The following FNBP1L variants were observed in gnomAD, a reference collection of about 807,000 sequenced individuals.
FNBP1L encodes formin binding protein 1 like, also known as formin-binding protein 1-like.
A neutral mutation model predicts 91.2 loss-of-function variants in FNBP1L; 36 were observed. That is an observed-to-expected ratio of 0.39 (90% CI 0.30 to 0.52). The LOEUF is 0.52. Among genes scored for constraint, FNBP1L ranks in the 20% least tolerant of loss-of-function variants. The pLI is 0.66. For missense variants in FNBP1L, 571 were observed against 732.1 expected (o/e 0.78, Z 2.54); for synonymous variants, 242 against 237.0 (o/e 1.02, Z -0.19).
chr1:93,549,517 T>A, intron 15 of FNBP1L, 91 bp downstream of exon 15: 1 of 996,832 alleles, frequency 1.0e-6, no homozygotes, highest in Non-Finnish European at 1.4e-6. Context: ...CTTATTTAAG[T>A]AATATATGTT....
intron 16 of FNBP1L, chr1:93,551,345 C>T: frequency 1.7e-6 from 2 of 1,171,858 alleles, no homozygotes; most frequent in Non-Finnish European, 2.1e-6. Context: ...TTAATTGATG[C>T]CTTTTGCTTT....
chr1:93,485,451 T>C (rs1669866403), intron 1 of FNBP1L, among the ~76,000 whole-genome samples: 2 of 152,220 alleles, frequency 1.3e-5, no homozygotes, highest in African/African-American at 4.8e-5. Flanking sequence ...ATAAAACCTA[T>C]GTATTGTATG....
chr1:93,481,618 C>G (rs1439830551), intron 1 of FNBP1L, among the ~76,000 whole-genome samples: 1 of 152,142 alleles, frequency 6.6e-6, no homozygotes. Context: ...AACTGAGGTT[C>G]AAAATAAATT....
intron 13 of FNBP1L, 70 bp downstream of exon 13, chr1:93,547,044 TG>T: frequency 6.9e-7 from 1 of 1,452,774 alleles, no homozygotes; most frequent in Non-Finnish European, 9.3e-7. Context: ...GATTGGTTTT[TG>T]TTAGAATTAT....
intron 2 of FNBP1L, among the ~76,000 whole-genome samples, chr1:93,501,033 C>T (rs1002749514): frequency 6.6e-6 from 1 of 152,048 alleles, no homozygotes; most frequent in Admixed American, 6.6e-5. Context: ...GAAATGGCCT[C>T]TGAGAGATTA....
rs138107042 is a variant in FNBP1L, at chr1:93,479,869, T to C, written c.25-19599T>C. Among the ~76,000 whole-genome samples the C allele has an allele frequency of 7.9e-5, 12 of 152,284 alleles. No homozygotes were observed. The East Asian group carries it at 2.3e-3, about 29-fold the overall frequency. Reference sequence around the variant, plus strand: ...CACGTTTTACAATCAGTTTGTACAATAGTGGTCCTGAGGTGACGTACATCC... The same window carrying C: ...CACGTTTTACAATCAGTTTGTACAACAGTGGTCCTGAGGTGACGTACATCC... On this transcript the variant is annotated intron_variant, in intron 1 of 16. Coordinates refer to ENST00000271234, the MANE Select transcript of FNBP1L (RefSeq NM_001164473.3).
chr1:93,518,079 AT>A (rs2101746631), intron 2 of FNBP1L, among the ~76,000 whole-genome samples: 1 of 152,250 alleles, frequency 6.6e-6, no homozygotes, highest in South Asian at 2.1e-4. Flanking sequence ...TGTTTCTGTT[AT>A]TGTCTTTACA....
At chr1:93,503,219 G>A (rs72961390) in intron 2 of FNBP1L, among the ~76,000 whole-genome samples, 4,196 of 152,186 alleles carry the variant, frequency 0.028, 200 homozygotes, top group African/African-American at 0.096. Context: ...TAATCATGGT[G>A]GAAGGAGAAG....
intron 2 of FNBP1L, among the ~76,000 whole-genome samples, chr1:93,511,357 G>A (rs1302698772): frequency 6.6e-6 from 1 of 152,112 alleles, no homozygotes; most frequent in African/African-American, 2.4e-5. Context: ...GCCAAACTAA[G>A]CTTCATAAGT....
chr1:93,547,254 T>C, intron 13 of FNBP1L, 93 bp from the exon 14 acceptor site: 1 of 1,100,766 alleles, frequency 9.1e-7, no homozygotes, highest in Non-Finnish European at 1.3e-6. Flanking sequence ...ATTACATAAT[T>C]ATAAAAACTT....
At chr1:93,509,670 A>G (rs6671037) in intron 2 of FNBP1L, among the ~76,000 whole-genome samples, 76,975 of 152,116 alleles carry the variant, frequency 0.51, 21,611 homozygotes, top group East Asian at 0.63. Context: ...CGCAGAAGAC[A>G]GGTGATTTCT....
chr1:93,495,742 G>A (rs1227759381), intron 1 of FNBP1L, among the ~76,000 whole-genome samples: 1 of 152,098 alleles, frequency 6.6e-6, no homozygotes, highest in East Asian at 1.9e-4. Context: ...AATTTTAATG[G>A]TGACTGAATA....
chr1:93,539,449 T>C (rs1671952791), intron 10 of FNBP1L, among the ~76,000 whole-genome samples: 1 of 151,958 alleles, frequency 6.6e-6, no homozygotes, highest in Non-Finnish European at 1.5e-5. Context: ...TTGAGCTTTG[T>C]ATATCCCCAA....
chr1:93,521,731 G>C (rs772752572), intron 2 of FNBP1L, among the ~76,000 whole-genome samples: 2 of 152,170 alleles, frequency 1.3e-5, no homozygotes, highest in South Asian at 2.1e-4. Flanking sequence ...TTGACCCGTC[G>C]TTGAATCTGT....
chr1:93,475,569 C>A (rs1669465605), intron 1 of FNBP1L, among the ~76,000 whole-genome samples: 1 of 152,080 alleles, frequency 6.6e-6, no homozygotes, highest in Non-Finnish European at 1.5e-5. Flanking sequence ...AACCAAACTC[C>A]TTATCTCCAC....
In FNBP1L at chr1:93,514,960, C is replaced by G. The variant is rs534984392; in HGVS notation, c.141-7122C>G. On this transcript the variant is annotated intron_variant, in intron 2 of 16. Coordinates refer to ENST00000271234, the MANE Select transcript of FNBP1L (RefSeq NM_001164473.3). ...AAGAGCTTCTGCACAGCAAAAGAAA[C>G]TACCATCAGAGTGAACAGGCAACCT... is the stretch of plus-strand genomic sequence containing the variant. Among the ~76,000 whole-genome samples the G allele has an allele frequency of 2.4e-4, 37 of 152,276 alleles. No individual in the cohort carries two copies. The South Asian group carries it at 4.4e-3, about 18-fold the overall frequency.
At chr1:93,537,805 AG>A (rs1048806073) in intron 10 of FNBP1L, among the ~76,000 whole-genome samples, 1 of 152,160 alleles carries the variant, frequency 6.6e-6, no homozygotes, top group African/African-American at 2.4e-5. Flanking sequence ...TTACAAGGCT[AG>A]AACTCATTCC....
chr1:93,473,073 T>C (rs896467422), intron 1 of FNBP1L, among the ~76,000 whole-genome samples: 1 of 152,168 alleles, frequency 6.6e-6, no homozygotes, highest in Non-Finnish European at 1.5e-5. Flanking sequence ...ATTTTTTGTC[T>C]GCATTTTGTT....
intron 15 of FNBP1L, among the ~76,000 whole-genome samples, chr1:93,550,541 T>C (rs943269862): frequency 3.9e-4 from 60 of 152,232 alleles, no homozygotes; most frequent in Admixed American, 9.2e-4. Flanking sequence ...TCTTTTTTCC[T>C]TCTTTCTTCC....
Sources: allele counts gnomAD v4.1 joint callset (sites outside exome capture counted in the v4.1 genomes callset), GRCh38; gene constraint gnomAD v4.1.1; transcripts MANE v1.5; gene names NCBI Gene and HGNC (gene_info 2026-07-23, HGNC 2026-07-21).